Variants in POLR3B observed in about 807,000 individuals in gnomAD.
POLR3B encodes DNA-directed RNA polymerase III subunit RPC2.
Under a neutral mutation model 147.4 loss-of-function variants are expected in POLR3B, and 96 were observed. That is an observed-to-expected ratio of 0.65 (90% CI 0.55 to 0.77). POLR3B has a LOEUF of 0.77. POLR3B is among the 30% of genes least tolerant of loss of function. The probability of loss-of-function intolerance (pLI) is 0.00; values close to 1 mark genes in which losing one functional copy is unlikely to be tolerated. For missense variants in POLR3B, 1,036 were observed against 1,413.5 expected (o/e 0.73, Z 4.28); for synonymous variants, 461 against 485.9 (o/e 0.95, Z 0.67).
At chr12:106,398,556 C>G (rs552594408) in intron 10 of POLR3B, among the ~76,000 whole-genome samples, 1 of 152,206 alleles carries the variant, frequency 6.6e-6, no homozygotes, top group African/African-American at 2.4e-5. Flanking sequence ...CCCTGACCCC[C>G]GAATAGCCTA....
intron 9 of POLR3B, among the ~76,000 whole-genome samples, chr12:106,381,104 A>C (rs1258685381): frequency 6.6e-6 from 1 of 152,230 alleles, no homozygotes; most frequent in Non-Finnish European, 1.5e-5. Flanking sequence ...TAGTCTTTTT[A>C]CTGGTAGAGG....
intron 21 of POLR3B, 100 bp from the exon 22 acceptor site, chr12:106,459,151 G>A (rs76296834): frequency 2.6e-6 from 2 of 766,068 alleles, no homozygotes; most frequent in Admixed American, 1.7e-5. Context: ...AGCCTCCTGA[G>A]TTGTTGGGAC....
chr12:106,505,812 C>T (rs1039526206), intron 27 of POLR3B, among the ~76,000 whole-genome samples: 2 of 152,174 alleles, frequency 1.3e-5, no homozygotes, highest in Admixed American at 6.5e-5. Flanking sequence ...ATCGTAGTTT[C>T]CTTCCAGACA....
chr12:106,391,359 C>T (rs1334812922), intron 9 of POLR3B, among the ~76,000 whole-genome samples: 1 of 152,164 alleles, frequency 6.6e-6, no homozygotes, highest in African/African-American at 2.4e-5. Context: ...GCCACCTTCA[C>T]ATTTTTTTCT....
In POLR3B at chr12:106,378,738, G is replaced by A. The variant is rs80296572; in HGVS notation, c.614+354G>A. On this transcript the variant is annotated intron_variant, in intron 8 of 27. Coordinates refer to ENST00000228347, the MANE Select transcript of POLR3B (RefSeq NM_018082.6). Reference sequence around the variant, plus strand: ...CTTTTCAGCCTTTTACCATTTACATGTGTATTCCTGCATCAGTATGATCAG... The same window carrying A: ...CTTTTCAGCCTTTTACCATTTACATATGTATTCCTGCATCAGTATGATCAG... Among the ~76,000 whole-genome samples, 1,041 of 151,920 alleles carry A rather than the reference G, an allele frequency of 6.9e-3. 18 individuals are homozygous for A. The highest frequency in any genetic ancestry group is 0.024 in the African/African-American group (1,001 of 41,452).
chr12:106,457,379 AGGGC>A lies in POLR3B; in HGVS notation c.2452+84_2452+87del. 4 of 1,205,594 alleles carry A rather than the reference AGGGC, an allele frequency of 3.3e-6. No homozygotes were observed. In the Admixed American group the frequency reaches 5.5e-5, roughly 17 times the overall value. The allele number at this position is 1,205,594 out of a possible 1,614,324, so 74.7% of individuals were successfully genotyped here. A position where few individuals can be genotyped will look rare whatever the true frequency, so the allele number is the denominator to read the frequency against. ...TAATATTTCTGAATATTTGGCAAAA[AGGGC>A]AGAAAAAAGTAACAACCTATAAAAC... On this transcript the variant is annotated intron_variant, in intron 21 of 27. Coordinates refer to ENST00000228347, the MANE Select transcript of POLR3B (RefSeq NM_018082.6).
In POLR3B at chr12:106,364,357, G is replaced by T. The variant is rs149449619; in HGVS notation, c.105+455G>T. ...TGAATATGATATGATGTGGTGTCGG[G>T]CTTCAATTCAATTTCCAAGAGCTTA... On this transcript the variant is annotated intron_variant, in intron 2 of 27. Coordinates refer to ENST00000228347, the MANE Select transcript of POLR3B (RefSeq NM_018082.6). 7.1e-4 allele frequency among the ~76,000 whole-genome samples: 108 copies of T among 152,292 alleles called. No individual in the cohort carries two copies. The East Asian group carries it at 0.02, about 28-fold the overall frequency.
chr12:106,391,281 A>C (rs1466473781), intron 9 of POLR3B, among the ~76,000 whole-genome samples: 2 of 152,148 alleles, frequency 1.3e-5, no homozygotes, highest in Non-Finnish European at 2.9e-5. Flanking sequence ...CAGAGAGAGC[A>C]CTTTCAGACA....
chr12:106,364,037 A>C, intron 2 of POLR3B, 135 bp downstream of exon 2: 1 of 692,104 alleles, frequency 1.4e-6, no homozygotes. Context: ...AATACAAGGA[A>C]TTATAAGGTA....
chr12:106,402,075 C>T (rs1565885359), intron 10 of POLR3B, among the ~76,000 whole-genome samples: 1 of 151,428 alleles, frequency 6.6e-6, no homozygotes, highest in Non-Finnish European at 1.5e-5. Context: ...ATCGTCTCAG[C>T]CCAAAATCTC....
intron 25 of POLR3B, chr12:106,500,207 G>A (rs1420251600): frequency 6.6e-6 from 3 of 451,722 alleles, no homozygotes; most frequent in South Asian, 3.1e-5. Flanking sequence ...GTTTGAGGCA[G>A]TTAAAAAAAA....
At chr12:106,395,185 T>C (rs1257275834) in intron 10 of POLR3B, among the ~76,000 whole-genome samples, 2 of 152,064 alleles carry the variant, frequency 1.3e-5, no homozygotes, top group Non-Finnish European at 2.9e-5. Context: ...TGACCCATGA[T>C]TGTGCCACCC....
chr12:106,361,171 G>C (rs2036464826), intron 1 of POLR3B, among the ~76,000 whole-genome samples: 1 of 152,194 alleles, frequency 6.6e-6, no homozygotes, highest in Non-Finnish European at 1.5e-5. Flanking sequence ...GCTGAGCATT[G>C]AAAGGGACGA....
At chr12:106,494,730 C>T (rs1424683107) in intron 23 of POLR3B, among the ~76,000 whole-genome samples, 1 of 152,170 alleles carries the variant, frequency 6.6e-6, no homozygotes, top group Non-Finnish European at 1.5e-5. Flanking sequence ...ATAAAGTGAA[C>T]TGAATGATTG....
chr12:106,470,035 T>G (rs1213587047), intron 23 of POLR3B, among the ~76,000 whole-genome samples: 2 of 152,256 alleles, frequency 1.3e-5, no homozygotes, highest in Non-Finnish European at 2.9e-5. Context: ...GATAATATCC[T>G]GAAGAGTGTT....
At chr12:106,501,513 C>G (rs1241335692) in intron 26 of POLR3B, 77 bp downstream of exon 26, 1 of 897,018 alleles carries the variant, frequency 1.1e-6, no homozygotes, top group Non-Finnish European at 1.8e-6. Flanking sequence ...TGGCAAAAAG[C>G]AGACTCAACA....
chr12:106,493,449 C>G (rs888140301), intron 23 of POLR3B, among the ~76,000 whole-genome samples: 5 of 152,154 alleles, frequency 3.3e-5, no homozygotes, highest in African/African-American at 9.7e-5. Flanking sequence ...TCTTTCTACC[C>G]CTAATGAATT....
intron 25 of POLR3B, among the ~76,000 whole-genome samples, chr12:106,500,950 T>C (rs1479222053): frequency 2.0e-5 from 3 of 152,166 alleles, no homozygotes; most frequent in Non-Finnish European, 4.4e-5. Flanking sequence ...CCCCTGACTT[T>C]TTATGCAAAG....
chr12:106,393,795 C>T (rs903033938), intron 10 of POLR3B, among the ~76,000 whole-genome samples: 1 of 151,744 alleles, frequency 6.6e-6, no homozygotes, highest in Non-Finnish European at 1.5e-5. Flanking sequence ...CACACACACA[C>T]ACACACACAC....
Sources: gnomAD v4.1 joint callset for allele counts (sites outside exome capture counted in the v4.1 genomes callset) on GRCh38, gnomAD v4.1.1 for gene constraint, MANE v1.5 for transcripts, NCBI Gene and HGNC (gene_info 2026-07-23, HGNC 2026-07-21) for gene names.